Variants in KDM2A observed in about 807,000 individuals in gnomAD.
KDM2A encodes lysine-specific demethylase 2A.
KDM2A carries 3 observed loss-of-function variants against 137.3 expected under a neutral mutation model. The ratio of observed to expected loss-of-function variants is 0.02; its 90% CI spans 0.01 to 0.06. The LOEUF (loss-of-function observed/expected upper bound fraction) is 0.06, where lower values mean the gene tolerates loss of function less well. Ranked by LOEUF, KDM2A falls within the 10% of genes least tolerant of loss-of-function variation. The pLI, the probability that KDM2A is intolerant of heterozygous loss-of-function variation, is 1.00. For synonymous variants in KDM2A, 512 were observed against 541.5 expected (o/e 0.95, Z 0.76); for missense variants, 738 against 1,510.6 (o/e 0.49, Z 8.48).
chr11:67,230,042 G>A (rs181380310), intron 11 of KDM2A, among the ~76,000 whole-genome samples: 38 of 152,162 alleles, frequency 2.5e-4, no homozygotes, highest in Admixed American at 1.5e-3. Flanking sequence ...TAGACGTGGT[G>A]GCAGGCACCT....
chr11:67,237,622 G>C (rs1858909495), intron 12 of KDM2A, among the ~76,000 whole-genome samples: 1 of 151,900 alleles, frequency 6.6e-6, no homozygotes, highest in Non-Finnish European at 1.5e-5. Flanking sequence ...TTGTTTGTTT[G>C]TCCTGGGTCC....
chr11:67,231,240 T>G (rs915554982), intron 11 of KDM2A, among the ~76,000 whole-genome samples: 1 of 152,168 alleles, frequency 6.6e-6, no homozygotes, highest in African/African-American at 2.4e-5. Flanking sequence ...AATCCCAGAT[T>G]CAAGCTTTAA....
intron 2 of KDM2A, among the ~76,000 whole-genome samples, chr11:67,150,376 A>C (rs1856357617): frequency 6.6e-6 from 1 of 152,138 alleles, no homozygotes; most frequent in South Asian, 2.1e-4. Flanking sequence ...GCCAAAGGAG[A>C]GGTTGGGGGA....
chr11:67,132,009 A>C (rs1227268597), intron 2 of KDM2A: 1 of 152,232 alleles, frequency 6.6e-6, no homozygotes, highest in Admixed American at 6.5e-5. Flanking sequence ...CCCTAAAGAT[A>C]AAAGGCAGCA....
At chr11:67,218,026 T>C in intron 9 of KDM2A, 142 bp downstream of exon 9, 1 of 774,210 alleles carries the variant, frequency 1.3e-6, no homozygotes, top group Non-Finnish European at 2.0e-6. Flanking sequence ...ATGGAATAGA[T>C]GCTGAGGTTT....
At chr11:67,121,802 A>C (rs902615205) in intron 2 of KDM2A, among the ~76,000 whole-genome samples, 4 of 152,158 alleles carry the variant, frequency 2.6e-5, no homozygotes, top group Non-Finnish European at 4.4e-5. Flanking sequence ...ACTATGGATT[A>C]TTTTCTTTTA....
At chr11:67,130,610 A>G (rs1485045375) in intron 2 of KDM2A, among the ~76,000 whole-genome samples, 2 of 152,200 alleles carry the variant, frequency 1.3e-5, no homozygotes, top group Non-Finnish European at 2.9e-5. Flanking sequence ...TCATGTAGAT[A>G]GACATACATT....
chr11:67,123,707 A>T (rs1387781888), intron 2 of KDM2A, among the ~76,000 whole-genome samples: 4 of 149,442 alleles, frequency 2.7e-5, no homozygotes, highest in African/African-American at 9.9e-5. Flanking sequence ...ACGGAGTTTC[A>T]CTCTTGTCAC....
intron 15 of KDM2A, among the ~76,000 whole-genome samples, chr11:67,247,065 ATATATATTTTTTTTTTTTTTTT>A (rs1234501528): frequency 1.5e-4 from 4 of 27,580 alleles, no homozygotes; most frequent in Non-Finnish European, 2.0e-4. Context: ...ATATATATAT[ATATATATTTTTTTTTTTTTTTT>A]TTTTTTTTTT....
chr11:67,200,566 C>T (rs1303674986), intron 5 of KDM2A, among the ~76,000 whole-genome samples: 1 of 151,946 alleles, frequency 6.6e-6, no homozygotes, highest in Admixed American at 6.6e-5. Context: ...AGTTGGAGTG[C>T]AATGGTACAA....
At chr11:67,186,882 A>G (rs1414391918) in intron 5 of KDM2A, among the ~76,000 whole-genome samples, 2 of 152,234 alleles carry the variant, frequency 1.3e-5, no homozygotes, top group African/African-American at 2.4e-5. Context: ...AGCCTGGGCA[A>G]CATAGCAAAG....
At chr11:67,152,355 C>G (rs1449319953) in intron 2 of KDM2A, among the ~76,000 whole-genome samples, 1 of 151,986 alleles carries the variant, frequency 6.6e-6, no homozygotes. Context: ...GTGGCTCACA[C>G]TTGTTATTCC....
chr11:67,188,270 C>T (rs1857256450), intron 5 of KDM2A, among the ~76,000 whole-genome samples: 1 of 152,024 alleles, frequency 6.6e-6, no homozygotes, highest in East Asian at 1.9e-4. Context: ...ATCACAAGGT[C>T]AGGAGATCGA....
rs1437110476 is a variant in KDM2A at position 67,254,662 on chromosome 11, C to A, written c.3308-212C>A. ...TCCAGCTGGAGTTTGGTCAGCCTTGCAGCCCTTGTGCTTGTTGTCATATGG... is the reference window on the plus strand; with the variant it reads ...TCCAGCTGGAGTTTGGTCAGCCTTGAAGCCCTTGTGCTTGTTGTCATATGG... On this transcript the variant is annotated intron_variant, in intron 20 of 20. Coordinates refer to ENST00000529006, the MANE Select transcript of KDM2A (RefSeq NM_012308.3). The surrounding 1 kb of genome is among the most constrained non-coding windows in gnomAD (Gnocchi z 4.7). 6.6e-6 allele frequency among the ~76,000 whole-genome samples: 1 copy of A among 152,198 alleles called. No individual in the cohort carries two copies. Among genetic ancestry groups the A allele is most frequent in the Non-Finnish European group, 1.5e-5 (1 of 68,032 alleles).
intron 2 of KDM2A, among the ~76,000 whole-genome samples, chr11:67,143,981 G>A (rs907809706): frequency 6.8e-6 from 1 of 146,996 alleles, no homozygotes; most frequent in African/African-American, 2.5e-5. Context: ...TCCCTCTGTC[G>A]CCCAGACTGG....
At chr11:67,121,199 G>T in intron 1 of KDM2A, 35 bp from the exon 2 acceptor site, 1 of 730,696 alleles carries the variant, frequency 1.4e-6, no homozygotes, top group South Asian at 1.7e-5. Context: ...GTTTGAGAAT[G>T]AGTTCTCATT....
intron 6 of KDM2A, among the ~76,000 whole-genome samples, chr11:67,213,412 T>C (rs1399871514): frequency 6.6e-6 from 1 of 152,168 alleles, no homozygotes; most frequent in East Asian, 1.9e-4. Flanking sequence ...TATAATTTAG[T>C]GTAAAATGTT....
intron 2 of KDM2A, among the ~76,000 whole-genome samples, chr11:67,178,681 A>G (rs1857022076): frequency 6.6e-6 from 1 of 151,992 alleles, no homozygotes; most frequent in African/African-American, 2.4e-5. Flanking sequence ...ATTTGGCATA[A>G]TGTTTTCAGA....
chr11:67,195,369 C>CAAAAA (rs34494813), intron 5 of KDM2A, among the ~76,000 whole-genome samples: 6 of 65,226 alleles, frequency 9.2e-5, no homozygotes, highest in African/African-American at 2.8e-4. Flanking sequence ...ACTCCGTCTC[C>CAAAAA]AAAAAAAAAA....
Sources: gnomAD v4.1 joint callset for allele counts (sites outside exome capture counted in the v4.1 genomes callset) on GRCh38, gnomAD v4.1.1 for gene constraint, Gnocchi (gnomAD v3.1) non-coding constraint, MANE v1.5 for transcripts, NCBI Gene and HGNC (gene_info 2026-07-23, HGNC 2026-07-21) for gene names.